TMEM25: variants seen among roughly 807,000 people sequenced by gnomAD.
The protein encoded by TMEM25 is transmembrane protein 25.
A neutral mutation model predicts 37.0 loss-of-function variants in TMEM25; 36 were observed. The observed-to-expected ratio is 0.97, with a 90% CI of 0.75 to 1.28. The LOEUF (loss-of-function observed/expected upper bound fraction) is 1.28. Ranked by LOEUF, TMEM25 falls within the 50% of genes most tolerant of loss-of-function variation. TMEM25 has a pLI of 0.00. For synonymous variants in TMEM25, 197 were observed against 203.7 expected (o/e 0.97, Z 0.28); for missense variants, 444 against 477.9 (o/e 0.93, Z 0.66).
At chr11:118,533,367 G>A in intron 4 of TMEM25, 53 bp from the exon 5 acceptor site, 1 of 1,609,496 alleles carries the variant, frequency 6.2e-7, no homozygotes. Flanking sequence ...CCTATGGCAT[G>A]TTGGGGCTGG....
intron 8 of TMEM25, chr11:118,545,375 T>C: frequency 1.4e-6 from 2 of 1,461,894 alleles, no homozygotes; most frequent in Non-Finnish European, 1.9e-6. Context: ...TGATCCTCTC[T>C]ACAGCTTAAG....
At chr11:118,531,463 G>A (rs1951259946) in intron 1 of TMEM25, 1 of 504,044 alleles carries the variant, frequency 2.0e-6, no homozygotes, top group South Asian at 2.6e-5. Flanking sequence ...TGGAGTATGT[G>A]TGTGAGTGTG....
chr11:118,544,722 C>T, intron 8 of TMEM25: 1 of 548,294 alleles, frequency 1.8e-6, no homozygotes, highest in Non-Finnish European at 3.3e-6. Context: ...TCCCCGGGGA[C>T]AGCAATCTGA....
chr11:118,539,262 G>A (rs189143210), downstream of TMEM25, among the ~76,000 whole-genome samples: 864 of 148,898 alleles, frequency 5.8e-3, 5 homozygotes, highest in Non-Finnish European at 8.3e-3. Flanking sequence ...CCACTTCCCG[G>A]GTTCAAGCGA....
At chr11:118,540,199 T>C (rs1219616853), downstream of TMEM25, among the ~76,000 whole-genome samples, 3 of 151,602 alleles carry the variant, frequency 2.0e-5, no homozygotes, top group Non-Finnish European at 4.4e-5. Flanking sequence ...AAGCTCCGCC[T>C]CCCGGGTTCT....
chr11:118,534,775 A>G lies in TMEM25; in HGVS notation c.*195A>G, dbSNP rs782338676. 7.3e-5 allele frequency: 103 copies of G among 1,414,826 alleles called. No individual in the cohort carries two copies. The highest frequency in any genetic ancestry group is 9.5e-5 in the Non-Finnish European group (103 of 1,085,186). 87.6% of individuals were successfully genotyped at this position (1,414,826 alleles called of 1,614,324 possible). A position where few individuals can be genotyped will look rare whatever the true frequency, so the allele number is the denominator to read the frequency against. On this transcript the variant is annotated 3_prime_UTR_variant, in exon 9 of 9. Transcript: ENST00000313236. The surrounding 1 kb of genome is among the most constrained non-coding windows in gnomAD (Gnocchi z 4.6). ...GGCTGTAACCCGCAGGGGCACAGGTATCTTTGGCAAGGCTACCAGTTGGAC... is the reference window on the plus strand; with the variant it reads ...GGCTGTAACCCGCAGGGGCACAGGTGTCTTTGGCAAGGCTACCAGTTGGAC...
intron 3 of TMEM25, 53 bp downstream of exon 3, chr11:118,532,514 A>G (rs1555059798): frequency 6.5e-7 from 1 of 1,547,932 alleles, no homozygotes; most frequent in African/African-American, 1.4e-5. Flanking sequence ...AGGGACCCCC[A>G]GCACCCACCA....
intron 8 of TMEM25, among the ~76,000 whole-genome samples, chr11:118,541,192 G>A (rs1023635578): frequency 3.3e-5 from 5 of 152,126 alleles, no homozygotes; most frequent in Non-Finnish European, 2.9e-5. Context: ...GCCAGGCGCC[G>A]TGGCTCATGC....
Position 118,532,244 on chromosome 11 carries a change from AG to A in TMEM25, c.171del (p.Pro58LeufsTer23), listed in dbSNP as rs1319086050. On this transcript the variant is annotated frameshift_variant, in exon 3 of 9. Coordinates refer to ENST00000313236, the MANE Select transcript of TMEM25 (RefSeq NM_032780.4). LOFTEE classifies it high-confidence loss of function. ...ERHAFTCRVA[G>X]GPGTPRLAWY... ...GCCACGCCTTCACCTGCCGGGTGGCAGGGGGGCCTGGCACCCCCAGATTGGC... is the reference window on the plus strand; with the variant it reads ...GCCACGCCTTCACCTGCCGGGTGGCAGGGGGCCTGGCACCCCCAGATTGGC... The A allele has an allele frequency of 1.2e-5, 20 of 1,613,478 alleles. No individual in the cohort carries two copies. Among genetic ancestry groups the A allele is most frequent in the Non-Finnish European group, 1.4e-5 (16 of 1,179,642 alleles).
At chr11:118,533,269 T>A in intron 4 of TMEM25, 62 bp downstream of exon 4, 1 of 1,557,510 alleles carries the variant, frequency 6.4e-7, no homozygotes, top group Non-Finnish European at 8.6e-7. Context: ...CCCGTCCCCA[T>A]ACAGAAATGG....
In TMEM25 at chr11:118,541,475, A is replaced by AAG. The variant is rs1951577969; in HGVS notation, c.1028-4643_1028-4642insGA. Among the ~76,000 whole-genome samples the AAG allele has an allele frequency of 7.3e-5, 10 of 137,342 alleles. 1 individual carries two copies. The highest frequency in any genetic ancestry group is 6.2e-5 in the Non-Finnish European group (4 of 65,040). 90.1% of individuals were successfully genotyped at this position (137,342 alleles called of 152,430 possible). A position where few individuals can be genotyped will look rare whatever the true frequency, so the allele number is the denominator to read the frequency against. On this transcript the variant is annotated intron_variant, in intron 8 of 8. Coordinates refer to the TMEM25 transcript ENST00000354284. Reference sequence around the variant, plus strand: ...AGACCCTGTCTCAAAAAAAAAAAAAAAAAAGAAAAAGAAACTTCACCTAAC... The same window carrying AAG: ...AGACCCTGTCTCAAAAAAAAAAAAAAAGAAAAGAAAAAGAAACTTCACCTAAC...
At chr11:118,532,641 A>G (rs1419319790) in intron 3 of TMEM25, 180 bp downstream of exon 3, 1 of 845,904 alleles carries the variant, frequency 1.2e-6, no homozygotes, top group Admixed American at 2.9e-5. Context: ...TTTTACAAAT[A>G]AGAAAACTGA....
At chr11:118,537,083 G>A (rs531782132), downstream of TMEM25, among the ~76,000 whole-genome samples, 1 of 152,302 alleles carries the variant, frequency 6.6e-6, no homozygotes, top group Admixed American at 6.5e-5. Context: ...GCTCACGCCT[G>A]TAATCCTAGC....
At position 118,535,336 on chromosome 11, in the gene TMEM25, G is replaced by A. The variant is rs1951482446; in HGVS notation, c.*756G>A. ...AGGCGATGAGTCTAGTAGCACCCAG[G>A]ACGGCTTGTAGCTATGCATCATTTT... On this transcript the variant is annotated 3_prime_UTR_variant, in exon 9 of 9. Coordinates refer to ENST00000313236, the MANE Select transcript of TMEM25 (RefSeq NM_032780.4). 3 of 1,382,824 alleles carry A rather than the reference G, an allele frequency of 2.2e-6. No individual in the cohort carries two copies. The highest frequency in any genetic ancestry group is 2.8e-6 in the Non-Finnish European group (3 of 1,070,432). The allele number at this position is 1,382,824 out of a possible 1,614,324, so 85.7% of individuals were successfully genotyped here.
At position 118,535,264 on chromosome 11, in the gene TMEM25, G is replaced by T; in HGVS notation, c.*684G>T. 8.2e-7 allele frequency: 1 copy of T among 1,226,342 alleles called. No homozygotes were observed. The highest frequency in any genetic ancestry group is 1.0e-6 in the Non-Finnish European group (1 of 980,774). 76.0% of individuals were successfully genotyped at this position (1,226,342 alleles called of 1,614,324 possible). A position where few individuals can be genotyped will look rare whatever the true frequency, so the allele number is the denominator to read the frequency against. ...TCACTGGGCACTAGACTTTTCTATT[G>T]GCCTGTGCCATCGCCCAGTATTAGC... On this transcript the variant is annotated 3_prime_UTR_variant, in exon 9 of 9. Transcript: ENST00000313236.
rs1173722589 is a variant in TMEM25, at chr11:118,532,378, G to A, written c.299G>A (p.Arg100Gln). ...AGCACCTTCACTGTCACTGCCCATCGGGCCCAGCATGAGCTCAACTGCTCT... is the reference window on the plus strand; with the variant it reads ...AGCACCTTCACTGTCACTGCCCATCAGGCCCAGCATGAGCTCAACTGCTCT... Reference protein sequence around the residue: ...GTSTFTVTAHRAQHELNCSLQ... With the variant: ...GTSTFTVTAHQAQHELNCSLQ... Residue 100 changes from arginine to glutamine, a missense_variant, in exon 3 of 9, where the codon CGG (arginine) becomes CAG (glutamine). Transcript: ENST00000313236. The A allele has an allele frequency of 1.7e-5, 27 of 1,614,026 alleles. No homozygotes were observed. Among genetic ancestry groups the A allele is most frequent in the East Asian group, 6.7e-5 (3 of 44,888 alleles).
At chr11:118,546,228 G>A in exon 9 of TMEM25, 1 of 714,152 alleles carries the variant, frequency 1.4e-6, no homozygotes, top group Non-Finnish European at 2.6e-6. Context: ...GGGGCGTGGT[G>A]GCTTCACGCC....
intron 8 of TMEM25, chr11:118,545,767 G>A (rs2135464036): frequency 1.2e-6 from 2 of 1,608,696 alleles, no homozygotes; most frequent in Non-Finnish European, 1.7e-6. Flanking sequence ...CAGAGATGGG[G>A]ACGAGGAAAG....
At chr11:118,539,951 G>A (rs1170479738), downstream of TMEM25, among the ~76,000 whole-genome samples, 2 of 149,442 alleles carry the variant, frequency 1.3e-5, no homozygotes, top group Non-Finnish European at 3.0e-5. Flanking sequence ...AACCCGGGAG[G>A]CGGAGGTTGC....
Sources: allele counts gnomAD v4.1 joint callset (sites outside exome capture counted in the v4.1 genomes callset), GRCh38; gene constraint gnomAD v4.1.1; non-coding constraint Gnocchi (gnomAD v3.1); transcripts MANE v1.5; gene names NCBI Gene and HGNC (gene_info 2026-07-23, HGNC 2026-07-21).